Variants in FLT3 observed in about 807,000 individuals in gnomAD.
FLT3 encodes fms related receptor tyrosine kinase 3.
FLT3 carries 46 observed loss-of-function variants against 126.6 expected under a neutral mutation model. The observed-to-expected ratio is 0.36, with a 90% CI of 0.29 to 0.46. FLT3 has a LOEUF of 0.46. Among genes scored for constraint, FLT3 ranks in the 20% least tolerant of loss-of-function variants. The probability of loss-of-function intolerance (pLI) is 1.00; values close to 1 mark genes in which losing one functional copy is unlikely to be tolerated. For synonymous variants in FLT3, 404 were observed against 434.4 expected (o/e 0.93, Z 0.87); for missense variants, 1,069 against 1,190.3 (o/e 0.90, Z 1.50).
chr13:28,081,896 G>A (rs1317721528), intron 1 of FLT3, among the ~76,000 whole-genome samples: 2 of 111,668 alleles, frequency 1.8e-5, no homozygotes, highest in African/African-American at 3.6e-5. Flanking sequence ...TTGCTCTGTC[G>A]CCCAGGCTGG....
At chr13:28,007,804 G>A (rs1179546559) in intron 23 of FLT3, among the ~76,000 whole-genome samples, 4 of 152,094 alleles carry the variant, frequency 2.6e-5, no homozygotes, top group Admixed American at 2.6e-4. Context: ...TAATTTTGTG[G>A]CTAATACATT....
chr13:28,087,737 T>A (rs1011658893), intron 1 of FLT3, among the ~76,000 whole-genome samples: 7 of 152,178 alleles, frequency 4.6e-5, no homozygotes, highest in African/African-American at 1.4e-4. Context: ...TCTGTTCATT[T>A]TGGATAGTTT....
chr13:28,050,254 A>C (rs770665699), intron 5 of FLT3, 32 bp from the exon 6 acceptor site: 4 of 1,609,388 alleles, frequency 2.5e-6, no homozygotes, highest in Non-Finnish European at 3.4e-6. Context: ...CATTTGGCTA[A>C]ACAAGTTTTA....
At chr13:28,074,555 C>T (rs1382932861) in intron 1 of FLT3, among the ~76,000 whole-genome samples, 1 of 152,212 alleles carries the variant, frequency 6.6e-6, no homozygotes. Flanking sequence ...AGTTGTGTCA[C>T]ATCCTCGCTA....
intron 20 of FLT3, among the ~76,000 whole-genome samples, chr13:28,017,844 T>C (rs1352009813): frequency 1.3e-5 from 2 of 152,160 alleles, no homozygotes; most frequent in East Asian, 3.9e-4. Flanking sequence ...TTTTGTATTT[T>C]CAGTAGAGAC....
At chr13:28,056,917 C>T (rs976109789) in intron 4 of FLT3, among the ~76,000 whole-genome samples, 1 of 152,150 alleles carries the variant, frequency 6.6e-6, no homozygotes, top group African/African-American at 2.4e-5. Flanking sequence ...CACGCTGAGA[C>T]CTTCCAATCC....
At chr13:28,070,886 T>C (rs1877442827) in intron 1 of FLT3, among the ~76,000 whole-genome samples, 1 of 152,130 alleles carries the variant, frequency 6.6e-6, no homozygotes, top group African/African-American at 2.4e-5. Context: ...TACATGTGGC[T>C]CTTAAGCTTT....
chr13:28,067,638 A>G (rs9554236), intron 2 of FLT3: 27,610 of 152,562 alleles, frequency 0.18, 2,610 homozygotes, highest in Middle Eastern at 0.24. Flanking sequence ...TAACACTGAA[A>G]TTCAGTCTGT....
intron 18 of FLT3, 140 bp from the exon 19 acceptor site, chr13:28,023,617 A>G (rs1872583070): frequency 6.6e-6 from 6 of 904,656 alleles, no homozygotes; most frequent in Non-Finnish European, 1.0e-5. Context: ...CGGCAGCATT[A>G]GAGATGACCT....
In FLT3 at chr13:28,055,065, T is replaced by G. The variant is rs575233515; in HGVS notation, c.484+2282A>C. Among the ~76,000 whole-genome samples, 98 of 152,336 alleles carry G rather than the reference T, an allele frequency of 6.4e-4. 1 individual carries two copies. The highest frequency in any genetic ancestry group is 1.2e-3 in the Non-Finnish European group (81 of 68,030). Reference sequence around the variant, plus strand: ...TATTTTTTCCCATCTTGAGGTGATTTTTACTTTTTCTCCCTGTAATTTCTA... The same window carrying G: ...TATTTTTTCCCATCTTGAGGTGATTGTTACTTTTTCTCCCTGTAATTTCTA... On this transcript the variant is annotated intron_variant, in intron 4 of 23. Transcript: ENST00000241453.
chr13:28,092,346 C>T (rs761696179), intron 1 of FLT3, among the ~76,000 whole-genome samples: 1 of 151,988 alleles, frequency 6.6e-6, no homozygotes, highest in Non-Finnish European at 1.5e-5. Context: ...TTCCCATTAC[C>T]CAGGCAATTG....
intron 23 of FLT3, among the ~76,000 whole-genome samples, chr13:28,009,954 A>C (rs1474080994): frequency 6.6e-6 from 1 of 152,078 alleles, no homozygotes; most frequent in East Asian, 1.9e-4. Context: ...CCCTTTTCTG[A>C]AACAGGGGAC....
chr13:28,081,392 A>C (rs1193959311), intron 1 of FLT3, among the ~76,000 whole-genome samples: 1 of 152,048 alleles, frequency 6.6e-6, no homozygotes, highest in African/African-American at 2.4e-5. Context: ...TCTTCCCTTC[A>C]ATTTCTGATT....
intron 23 of FLT3, among the ~76,000 whole-genome samples, chr13:28,009,769 C>G (rs951316546): frequency 2.0e-5 from 3 of 152,092 alleles, no homozygotes; most frequent in Non-Finnish European, 4.4e-5. Flanking sequence ...ACCATGTTGC[C>G]CAGACTGGCC....
intron 4 of FLT3, among the ~76,000 whole-genome samples, chr13:28,054,849 T>C (rs1566086610): frequency 6.6e-6 from 1 of 152,232 alleles, no homozygotes; most frequent in South Asian, 2.1e-4. Context: ...AGTTTATCTT[T>C]TAACATGTTT....
At chr13:28,006,728 C>CTT (rs753656559) in intron 23 of FLT3, among the ~76,000 whole-genome samples, 60 of 132,888 alleles carry the variant, frequency 4.5e-4, no homozygotes, top group Non-Finnish European at 6.3e-4. Flanking sequence ...CCTTTCTTTC[C>CTT]TTTTTTTTTT....
In FLT3 at chr13:28,091,282, C is replaced by T. The variant is rs865860202; in HGVS notation, c.43+9186G>A. On this transcript the variant is annotated intron_variant, in intron 1 of 23. Coordinates refer to ENST00000241453, the MANE Select transcript of FLT3 (RefSeq NM_004119.3). ...TGTCGCCCAGGCTGGAGTGCAGTGG[C>T]GCGATCTCGGCTCACTGCAAGCTCC... Among the ~76,000 whole-genome samples the T allele has an allele frequency of 2.9e-3, 335 of 115,102 alleles. 2 individuals carry two copies. The highest frequency in any genetic ancestry group is 7.9e-3 in the Middle Eastern group (1 of 126). 75.5% of individuals were successfully genotyped at this position (115,102 alleles called of 152,430 possible). A position where few individuals can be genotyped will look rare whatever the true frequency, so the allele number is the denominator to read the frequency against.
chr13:28,045,854 CAAA>C (rs11356393), intron 9 of FLT3, among the ~76,000 whole-genome samples: 20 of 125,778 alleles, frequency 1.6e-4, no homozygotes, highest in Admixed American at 2.4e-4. Context: ...GACTCTGTCT[CAAA>C]AAAAAAAAAA....
At chr13:28,043,996 G>T (rs1026800898) in intron 9 of FLT3, among the ~76,000 whole-genome samples, 1 of 150,796 alleles carries the variant, frequency 6.6e-6, no homozygotes, top group African/African-American at 2.4e-5. Flanking sequence ...TGTAATCCCA[G>T]CTACTCGAGA....
Sources: allele counts gnomAD v4.1 joint callset (sites outside exome capture counted in the v4.1 genomes callset), GRCh38; gene constraint gnomAD v4.1.1; transcripts MANE v1.5; gene names NCBI Gene and HGNC (gene_info 2026-07-23, HGNC 2026-07-21).